LMCD1: variants seen among roughly 807,000 people sequenced by gnomAD.
The protein encoded by LMCD1 is LIM and cysteine-rich domains protein 1.
LMCD1 carries 32 observed loss-of-function variants against 42.7 expected under a neutral mutation model. That is an observed-to-expected ratio of 0.75 (90% CI 0.57 to 1.01). The LOEUF (loss-of-function observed/expected upper bound fraction) is 1.01. LMCD1 is among the 50% of genes least tolerant of loss of function. The pLI is 0.00. For missense variants in LMCD1, 458 were observed against 483.1 expected (o/e 0.95, Z 0.49); for synonymous variants, 178 against 184.9 (o/e 0.96, Z 0.30).
Position 8,534,369 on chromosome 3 carries a change from C to A in LMCD1, c.131+1544C>A, listed in dbSNP as rs577133007. On this transcript the variant is annotated intron_variant, in intron 2 of 5. Coordinates refer to ENST00000157600, the MANE Select transcript of LMCD1 (RefSeq NM_014583.4). ...GGACCCTATTTTTCATGGCAACAAG[C>A]AGAAGTCTCTTAGCATTGTTTTAAT... Among the ~76,000 whole-genome samples the A allele has an allele frequency of 3.1e-4, 47 of 152,184 alleles. No individual in the cohort carries two copies. In the South Asian group the frequency reaches 9.8e-3, roughly 32 times the overall value.
intron 5 of LMCD1, among the ~76,000 whole-genome samples, chr3:8,567,023 G>A (rs184811422): frequency 1.1e-3 from 163 of 152,264 alleles, no homozygotes; most frequent in Admixed American, 4.2e-3. Context: ...CTTACAATAT[G>A]TCTATTCCAA....
chr3:8,524,687 C>CTGT (rs113066862), intron 1 of LMCD1, among the ~76,000 whole-genome samples: 6 of 151,612 alleles, frequency 4.0e-5, no homozygotes, highest in Non-Finnish European at 7.4e-5. Flanking sequence ...TGTGATGTTG[C>CTGT]TGTTGTTGTT....
intron 3 of LMCD1, among the ~76,000 whole-genome samples, chr3:8,542,994 C>T (rs888749385): frequency 7.2e-5 from 11 of 152,186 alleles, no homozygotes; most frequent in Non-Finnish European, 1.5e-4. Flanking sequence ...GGCAATTACT[C>T]TCCCATGAGC....
At chr3:8,505,765 T>A (rs17049215) in intron 1 of LMCD1, among the ~76,000 whole-genome samples, 1 of 152,332 alleles carries the variant, frequency 6.6e-6, no homozygotes, top group African/African-American at 2.4e-5. Flanking sequence ...CCTCTTGGCT[T>A]TCCTGTCCTT....
At chr3:8,502,295 A>G (rs1367697932) in intron 1 of LMCD1, among the ~76,000 whole-genome samples, 2 of 42,500 alleles carry the variant, frequency 4.7e-5, no homozygotes, top group East Asian at 8.7e-4. Flanking sequence ...TATAATATAT[A>G]TTATATATAA....
rs1293573049 is a variant in LMCD1, at chr3:8,570,317, G to C, written c.*2719G>C. On this transcript the variant is annotated 3_prime_UTR_variant, in exon 6 of 6. Transcript: ENST00000157600. ...GGAGCCTTCAAACAGCTTTAAGGAG[G>C]GGGTGGTGATGGCTGGACAGGGAGA... 1 of 152,388 alleles carries C rather than the reference G, an allele frequency of 6.6e-6. No homozygotes were observed. Among genetic ancestry groups the C allele is most frequent in the Admixed American group, 6.5e-5 (1 of 15,284 alleles). 9.4% of individuals were successfully genotyped at this position (152,388 alleles called of 1,614,324 possible).
chr3:8,502,008 C>T, intron 1 of LMCD1, 28 bp downstream of exon 1: 1 of 1,520,894 alleles, frequency 6.6e-7, no homozygotes, highest in Non-Finnish European at 8.8e-7. Context: ...TGTATTTACC[C>T]AGATTCTTAC....
chr3:8,537,199 C>T lies in LMCD1; in HGVS notation c.146C>T (p.Ser49Phe). 1 of 1,613,998 alleles carries T rather than the reference C, an allele frequency of 6.2e-7. No homozygotes were observed. Among genetic ancestry groups the T allele is most frequent in the South Asian group, 1.1e-5 (1 of 91,044 alleles). ...CCCACCCCCAGGAAAATATGCAAGT[C>T]TTGCAAATGCAGCCAAGAGGACCAC... ...EPHSWRKICK[S>F]CKCSQEDHCL... The change falls in exon 3 of 6, where the codon TCT (serine) becomes TTT (phenylalanine). Residue 49 changes from serine (S) to phenylalanine (F), a missense_variant. Ser to Phe is a radical substitution (Grantham distance 155). Coordinates refer to ENST00000157600, the MANE Select transcript of LMCD1 (RefSeq NM_014583.4).
At chr3:8,555,066 A>G (rs1694907944) in intron 4 of LMCD1, among the ~76,000 whole-genome samples, 2 of 152,040 alleles carry the variant, frequency 1.3e-5, no homozygotes, top group African/African-American at 4.8e-5. Context: ...CCACAGTCAT[A>G]AAAACGCGTG....
chr3:8,565,372 C>A (rs999871867), intron 4 of LMCD1, 60 bp from the exon 5 acceptor site: 5 of 1,466,628 alleles, frequency 3.4e-6, no homozygotes, highest in African/African-American at 2.8e-5. Context: ...GGAATTCGAA[C>A]CCATGTCACT....
intron 3 of LMCD1, 128 bp from the exon 4 acceptor site, chr3:8,548,440 G>A (rs1694777666): frequency 3.7e-6 from 2 of 544,588 alleles, no homozygotes; most frequent in South Asian, 8.3e-5. Context: ...TAAAGACTGT[G>A]GGTCTTTCAG....
chr3:8,537,368 T>C lies in LMCD1; in HGVS notation c.315T>C (p.Ile105=). Residue 105 remains isoleucine, a synonymous_variant, in exon 3 of 6, where the codon ATT becomes ATC. Coordinates refer to ENST00000157600, the MANE Select transcript of LMCD1 (RefSeq NM_014583.4). ...ACCGGATGATCATGACCAACCCTATTGCTACTGGGAAAGATCCCACTTTTG... is the reference window on the plus strand; with the variant it reads ...ACCGGATGATCATGACCAACCCTATCGCTACTGGGAAAGATCCCACTTTTG... ...KRNRMIMTNP[I]ATGKDPTFDT... 1.9e-6 allele frequency: 3 copies of C among 1,612,978 alleles called. No individual in the cohort carries two copies. The highest frequency in any genetic ancestry group is 2.5e-6 in the Non-Finnish European group (3 of 1,179,000).
rs531904048 is a variant in LMCD1, at chr3:8,537,362, C to T, written c.309C>T (p.Asn103=). The T allele has an allele frequency of 6.2e-7, 1 of 1,613,498 alleles. No individual in the cohort carries two copies. Among genetic ancestry groups the T allele is most frequent in the East Asian group, 2.2e-5 (1 of 44,846 alleles). ...IYKRNRMIMT[N]PIATGKDPTF... ...AGAGGAACCGGATGATCATGACCAACCCTATTGCTACTGGGAAAGATCCCA... is the reference window on the plus strand; with the variant it reads ...AGAGGAACCGGATGATCATGACCAATCCTATTGCTACTGGGAAAGATCCCA... The change falls in exon 3 of 6, where the codon AAC becomes AAT. Residue 103 remains asparagine (N), a synonymous_variant. Coordinates refer to ENST00000157600, the MANE Select transcript of LMCD1 (RefSeq NM_014583.4).
intron 1 of LMCD1, among the ~76,000 whole-genome samples, chr3:8,518,324 T>C (rs1175276140): frequency 1.3e-5 from 2 of 152,242 alleles, no homozygotes; most frequent in African/African-American, 4.8e-5. Flanking sequence ...GTCTGTATTC[T>C]ATTTCATGGA....
At chr3:8,550,944 G>A in intron 4 of LMCD1, 3 of 985,374 alleles carry the variant, frequency 3.0e-6, no homozygotes, top group South Asian at 9.4e-5. Flanking sequence ...GGCAAAGGCA[G>A]CCCAAGAACC....
Position 8,569,135 on chromosome 3 carries a change from C to T in LMCD1, c.*1537C>T, listed in dbSNP as rs1695175514. On this transcript the variant is annotated 3_prime_UTR_variant, in exon 6 of 6. Transcript: ENST00000157600. Reference sequence around the variant, plus strand: ...TTGCCTGCCAAGTTAACAACCAAGTCCTCATGGACATTTGAATCCTTCCAA... The same window carrying T: ...TTGCCTGCCAAGTTAACAACCAAGTTCTCATGGACATTTGAATCCTTCCAA... 2 of 152,214 alleles carry T rather than the reference C, an allele frequency of 1.3e-5. No individual in the cohort carries two copies. The highest frequency in any genetic ancestry group is 4.1e-4 in the South Asian group (2 of 4,834). The allele number at this position is 152,214 out of a possible 1,614,324, so 9.4% of individuals were successfully genotyped here.
intron 1 of LMCD1, among the ~76,000 whole-genome samples, chr3:8,524,736 A>C (rs1694268271): frequency 6.6e-6 from 1 of 152,032 alleles, no homozygotes; most frequent in Non-Finnish European, 1.5e-5. Context: ...TCCAGGTTGG[A>C]TGCAGTGGCA....
chr3:8,539,072 G>A (rs1694567202), intron 3 of LMCD1, among the ~76,000 whole-genome samples: 1 of 152,190 alleles, frequency 6.6e-6, no homozygotes, highest in South Asian at 2.1e-4. Flanking sequence ...ACTGTGGTAA[G>A]ACTCACACTG....
intron 1 of LMCD1, among the ~76,000 whole-genome samples, chr3:8,515,788 G>T (rs1280341469): frequency 6.6e-6 from 1 of 152,068 alleles, no homozygotes; most frequent in Non-Finnish European, 1.5e-5. Flanking sequence ...CCTAAGAGCG[G>T]GGGATACAAA....
Sources: allele counts gnomAD v4.1 joint callset (sites outside exome capture counted in the v4.1 genomes callset), GRCh38; gene constraint gnomAD v4.1.1; transcripts MANE v1.5; gene names NCBI Gene and HGNC (gene_info 2026-07-23, HGNC 2026-07-21).